Variants in C12orf42 observed in about 807,000 individuals in gnomAD.
C12orf42 encodes uncharacterized protein C12orf42.
Under a neutral mutation model 21.6 loss-of-function variants are expected in C12orf42, and 25 were observed. The ratio of observed to expected loss-of-function variants is 1.16; its 90% CI spans 0.84 to 1.62. The LOEUF (loss-of-function observed/expected upper bound fraction) is 1.62. Ranked by LOEUF, C12orf42 falls within the 40% of genes most tolerant of loss-of-function variation. The probability of loss-of-function intolerance (pLI) is 0.00; values close to 1 mark genes in which losing one functional copy is unlikely to be tolerated. For missense variants in C12orf42, 483 were observed against 459.3 expected (o/e 1.05, Z -0.47); for synonymous variants, 174 against 175.0 (o/e 0.99, Z 0.05).
the C12orf42 span, among the ~76,000 whole-genome samples, chr12:103,511,098 A>G: frequency 4.0e-4 from 61 of 152,210 alleles, no homozygotes; most frequent in Non-Finnish European, 1.3e-4. Flanking sequence ...CTCCAAGAAA[A>G]AATGGAGGAG....
At chr12:103,310,273 C>T (rs187905572) in intron 4 of C12orf42, among the ~76,000 whole-genome samples, 1 of 152,038 alleles carries the variant, frequency 6.6e-6, no homozygotes, top group Non-Finnish European at 1.5e-5. Flanking sequence ...CTCTCTCTCT[C>T]TGTGTCTCTC....
chr12:103,277,248 A>G (rs572289450), intron 4 of C12orf42: 89 of 429,984 alleles, frequency 2.1e-4, no homozygotes, highest in Non-Finnish European at 3.7e-4. Flanking sequence ...GGATAGAAAG[A>G]ATAACTGTAT....
chr12:103,263,413 T>G (rs1566002680), intron 9 of C12orf42: 1 of 152,120 alleles, frequency 6.6e-6, no homozygotes, highest in East Asian at 1.9e-4. Flanking sequence ...CATAAACCAC[T>G]ACCCCCAAAT....
At chr12:103,152,664 C>T in the C12orf42 span, among the ~76,000 whole-genome samples, 44 of 151,896 alleles carry the variant, frequency 2.9e-4, no homozygotes, top group African/African-American at 6.3e-4. Context: ...TGTCAATAAA[C>T]GACAATAATT....
the C12orf42 span, chr12:103,159,711 T>G: frequency 2.0e-5 from 3 of 152,368 alleles, no homozygotes; most frequent in Non-Finnish European, 4.4e-5. Flanking sequence ...GTTCACACTC[T>G]CCTTTGCATT....
the C12orf42 span, among the ~76,000 whole-genome samples, chr12:103,051,311 C>T: frequency 7.9e-5 from 12 of 152,132 alleles, no homozygotes; most frequent in East Asian, 1.2e-3. Context: ...CCTCTCTCTT[C>T]GGTTATATTA....
chr12:103,474,078 G>C (rs1953845128), intron 2 of C12orf42, among the ~76,000 whole-genome samples: 2 of 152,096 alleles, frequency 1.3e-5, no homozygotes, highest in South Asian at 4.1e-4. Context: ...TCCCATGGTG[G>C]TTTTTCAGTT....
intron 10 of C12orf42, among the ~76,000 whole-genome samples, chr12:103,238,282 T>G (rs983016761): frequency 6.6e-6 from 1 of 152,036 alleles, no homozygotes; most frequent in African/African-American, 2.4e-5. Flanking sequence ...ACAGTACAGC[T>G]GAATAGTTGC....
intron 3 of C12orf42, among the ~76,000 whole-genome samples, chr12:103,374,223 A>G (rs1159117783): frequency 1.3e-5 from 2 of 152,112 alleles, no homozygotes; most frequent in African/African-American, 4.8e-5. Flanking sequence ...CTTTTATTCT[A>G]CTTTCATGAA....
intron 4 of C12orf42, among the ~76,000 whole-genome samples, chr12:103,287,036 T>C (rs2036512509): frequency 6.6e-6 from 1 of 151,924 alleles, no homozygotes; most frequent in Non-Finnish European, 1.5e-5. Context: ...ATGGCGATCA[T>C]TAAAAAGTCA....
At chr12:103,458,154 A>C (rs1175386266) in intron 2 of C12orf42, among the ~76,000 whole-genome samples, 1 of 152,204 alleles carries the variant, frequency 6.6e-6, no homozygotes, top group African/African-American at 2.4e-5. Context: ...CACTTTTGGA[A>C]ATGTAGTCTA....
chr12:103,155,413 A>G, the C12orf42 span: 1 of 152,178 alleles, frequency 6.6e-6, no homozygotes, highest in African/African-American at 2.4e-5. Context: ...TGTCTTCTAT[A>G]TAAGCTATAA....
chr12:103,136,813 G>A, the C12orf42 span, among the ~76,000 whole-genome samples: 1 of 152,174 alleles, frequency 6.6e-6, no homozygotes, highest in Admixed American at 6.5e-5. Flanking sequence ...GTTGTTGTGG[G>A]AAAATTGGAT....
the C12orf42 span, among the ~76,000 whole-genome samples, chr12:103,070,955 G>A: frequency 6.6e-6 from 1 of 152,148 alleles, no homozygotes; most frequent in South Asian, 2.1e-4. Context: ...TATTTTTCAA[G>A]TGGTGAATCG....
At chr12:103,225,482 C>T in the C12orf42 span, among the ~76,000 whole-genome samples, 2 of 151,926 alleles carry the variant, frequency 1.3e-5, no homozygotes, top group Non-Finnish European at 1.5e-5. Context: ...GATGCATGAT[C>T]GGTCACCAAG....
At chr12:103,464,650 T>C (rs915452064) in intron 2 of C12orf42, among the ~76,000 whole-genome samples, 3 of 152,248 alleles carry the variant, frequency 2.0e-5, no homozygotes, top group Admixed American at 6.5e-5. Flanking sequence ...AGTGCCTATG[T>C]CCTGAATGGT....
At chr12:103,313,240 C>T (rs1339518419) in intron 4 of C12orf42, among the ~76,000 whole-genome samples, 1 of 152,222 alleles carries the variant, frequency 6.6e-6, no homozygotes, top group East Asian at 1.9e-4. Context: ...ACATAAACCT[C>T]AAATAGATTT....
At position 103,493,722 on chromosome 12, in the gene C12orf42, C is replaced by CAA. The variant is rs34431365; in HGVS notation, c.-22+2178_-22+2179dup. 5.4e-3 allele frequency among the ~76,000 whole-genome samples: 558 copies of CAA among 103,646 alleles called. 3 individuals carry two copies. Among genetic ancestry groups the CAA allele is most frequent in the African/African-American group, 0.019 (518 of 26,996 alleles). The allele number at this position is 103,646 out of a possible 152,430, so 68.0% of individuals were successfully genotyped here. On this transcript the variant is annotated intron_variant, in intron 1 of 5. Transcript: ENST00000548883. Reference sequence around the variant, plus strand: ...AAAAAGCAAAAGCCAAAAGGGGAGACAAAAAAAAAAAAAAAAACCTTAGAG... The same window carrying CAA: ...AAAAAGCAAAAGCCAAAAGGGGAGACAAAAAAAAAAAAAAAAAAACCTTAGAG...
the C12orf42 span, among the ~76,000 whole-genome samples, chr12:103,126,913 A>G: frequency 2.0e-5 from 3 of 152,206 alleles, no homozygotes; most frequent in African/African-American, 7.2e-5. Context: ...AAATAAGCAA[A>G]GAACATTGAA....
Sources: allele counts gnomAD v4.1 joint callset (sites outside exome capture counted in the v4.1 genomes callset), GRCh38; gene constraint gnomAD v4.1.1; transcripts MANE v1.5; gene names NCBI Gene and HGNC (gene_info 2026-07-23, HGNC 2026-07-21).